PSMD14: variants seen among roughly 807,000 people sequenced by gnomAD.
PSMD14 encodes the protein proteasome 26S subunit, non-ATPase 14, also known as ubiquitin C-terminal hydrolase PSMD14.
A neutral mutation model predicts 41.2 loss-of-function variants in PSMD14; 7 were observed. The ratio of observed to expected loss-of-function variants is 0.17; its 90% CI spans 0.10 to 0.32. The LOEUF is 0.32. Among genes scored for constraint, PSMD14 ranks in the 10% least tolerant of loss-of-function variants. The pLI, the probability that PSMD14 is intolerant of heterozygous loss-of-function variation, is 1.00. For missense variants in PSMD14, 139 were observed against 375.6 expected, an observed-to-expected ratio of 0.37 and a Z score of 5.21; for synonymous variants, 114 against 122.3, an observed-to-expected ratio of 0.93 and a Z score of 0.45.
intron 1 of PSMD14, among the ~76,000 whole-genome samples, chr2:161,315,600 T>C (rs1689138210): frequency 6.6e-6 from 1 of 152,160 alleles, no homozygotes. Flanking sequence ...TTTTTTTCAC[T>C]ATTGCATTAT....
chr2:161,365,707 G>C (rs1229754285), intron 3 of PSMD14, among the ~76,000 whole-genome samples: 1 of 151,308 alleles, frequency 6.6e-6, no homozygotes, highest in Non-Finnish European at 1.5e-5. Context: ...TATATTGGTG[G>C]GGGGTGATGT....
chr2:161,320,765 G>A lies in PSMD14; in HGVS notation c.48+1892G>A, dbSNP rs140767697. Reference sequence around the variant, plus strand: ...TTTTGAGATGGAGTCTCACTCTGTCGCCCAGGCTGGAATGCAATGGCATGA... The same window carrying A: ...TTTTGAGATGGAGTCTCACTCTGTCACCCAGGCTGGAATGCAATGGCATGA... On this transcript the variant is annotated intron_variant, in intron 3 of 11. Coordinates refer to ENST00000409682, the MANE Select transcript of PSMD14 (RefSeq NM_005805.6). 1.8e-3 allele frequency among the ~76,000 whole-genome samples: 279 copies of A among 151,544 alleles called. 1 individual carries two copies. The highest frequency in any genetic ancestry group is 3.4e-3 in the Middle Eastern group (1 of 292).
At chr2:161,388,514 T>C (rs543007857) in intron 8 of PSMD14, among the ~76,000 whole-genome samples, 1 of 152,220 alleles carries the variant, frequency 6.6e-6, no homozygotes, top group South Asian at 2.1e-4. Context: ...TACAAAGTCA[T>C]TTAGCAAAAA....
At chr2:161,397,640 A>T (rs1559054786) in intron 10 of PSMD14, among the ~76,000 whole-genome samples, 1 of 152,338 alleles carries the variant, frequency 6.6e-6, no homozygotes, top group Non-Finnish European at 1.5e-5. Context: ...ATCTTAAAAA[A>T]TATTTTATCC....
chr2:161,395,016 C>G (rs1285822119), intron 9 of PSMD14, 62 bp from the exon 10 acceptor site: 1 of 1,273,416 alleles, frequency 7.9e-7, no homozygotes, highest in South Asian at 1.8e-5. Context: ...TTTTTTTTCT[C>G]TAGACAATGA....
At chr2:161,411,163 C>G in intron 11 of PSMD14, 139 bp from the exon 12 acceptor site, 1 of 509,034 alleles carries the variant, frequency 2.0e-6, no homozygotes. Context: ...TAACAATATA[C>G]TAGTAAAGTT....
intron 3 of PSMD14, among the ~76,000 whole-genome samples, chr2:161,349,961 T>C (rs1052150287): frequency 6.6e-6 from 1 of 152,238 alleles, no homozygotes; most frequent in African/African-American, 2.4e-5. Context: ...ATGTATAACA[T>C]TGAGATGTAG....
intron 3 of PSMD14, among the ~76,000 whole-genome samples, chr2:161,333,983 A>G (rs1014032073): frequency 4.6e-5 from 7 of 151,968 alleles, no homozygotes; most frequent in African/African-American, 1.7e-4. Flanking sequence ...GTGAGCTGAG[A>G]TGGCGCCACT....
intron 8 of PSMD14, among the ~76,000 whole-genome samples, chr2:161,385,883 C>G (rs1206927635): frequency 6.6e-6 from 1 of 151,604 alleles, no homozygotes; most frequent in Non-Finnish European, 1.5e-5. Flanking sequence ...ATAGGAGTTT[C>G]CGGTGAAGGA....
chr2:161,395,591 C>A (rs1396547028), intron 10 of PSMD14, among the ~76,000 whole-genome samples: 1 of 152,112 alleles, frequency 6.6e-6, no homozygotes, highest in Non-Finnish European at 1.5e-5. Flanking sequence ...GCACTTACTA[C>A]TTGCTGTGTC....
chr2:161,315,611 T>A (rs116123485), intron 1 of PSMD14, among the ~76,000 whole-genome samples: 3,866 of 152,212 alleles, frequency 0.025, 159 homozygotes, highest in African/African-American at 0.088. Context: ...ATTGCATTAT[T>A]TTCCATATTC....
chr2:161,394,266 C>T (rs1010249111), intron 9 of PSMD14, among the ~76,000 whole-genome samples: 6 of 152,016 alleles, frequency 3.9e-5, no homozygotes, highest in Admixed American at 6.6e-5. Flanking sequence ...GCCACTGTGC[C>T]CGGCCTAGAT....
intron 11 of PSMD14, chr2:161,409,794 A>G (rs1683999955): frequency 6.6e-6 from 1 of 152,130 alleles, no homozygotes; most frequent in Non-Finnish European, 1.5e-5. Context: ...AAATTTCACT[A>G]CCTTCTAAGT....
At chr2:161,388,577 C>A (rs1175937206) in intron 8 of PSMD14, among the ~76,000 whole-genome samples, 2 of 152,072 alleles carry the variant, frequency 1.3e-5, no homozygotes, top group Non-Finnish European at 2.9e-5. Context: ...CTAGAGGGAA[C>A]CACAAAACAC....
intron 3 of PSMD14, among the ~76,000 whole-genome samples, chr2:161,346,846 T>C (rs902777745): frequency 1.3e-5 from 2 of 152,080 alleles, no homozygotes; most frequent in African/African-American, 4.8e-5. Flanking sequence ...TACTCTTCCC[T>C]GTAATCCTTT....
intron 8 of PSMD14, among the ~76,000 whole-genome samples, chr2:161,389,248 G>T (rs1683674240): frequency 6.6e-6 from 1 of 152,136 alleles, no homozygotes; most frequent in Admixed American, 6.6e-5. Flanking sequence ...ACCATGTAGG[G>T]TTGTGCAAGT....
Position 161,372,927 on chromosome 2 carries a change from A to G in PSMD14, c.462+1605A>G, listed in dbSNP as rs546650107. On this transcript the variant is annotated intron_variant, in intron 7 of 11. Transcript: ENST00000409682. ...ATTAGTTCAACTTAGGTTTTATGAT[A>G]TCTTGACTCATGTGATGGTGGCTAC... is the stretch of plus-strand genomic sequence containing the variant. Among the ~76,000 whole-genome samples the G allele has an allele frequency of 5.9e-5, 9 of 152,050 alleles. No homozygotes were observed. The South Asian group carries it at 1.0e-3, about 17-fold the overall frequency.
At chr2:161,348,788 C>G (rs1044900066) in intron 3 of PSMD14, among the ~76,000 whole-genome samples, 1 of 152,136 alleles carries the variant, frequency 6.6e-6, no homozygotes, top group South Asian at 2.1e-4. Flanking sequence ...AGCTTCAACC[C>G]AGCTGCTTTA....
At chr2:161,336,516 G>T (rs1682872851) in intron 3 of PSMD14, among the ~76,000 whole-genome samples, 1 of 152,086 alleles carries the variant, frequency 6.6e-6, no homozygotes, top group Non-Finnish European at 1.5e-5. Context: ...GAATTACATT[G>T]AAGAAGTAAA....
Sources: allele counts gnomAD v4.1 joint callset (sites outside exome capture counted in the v4.1 genomes callset), GRCh38; gene constraint gnomAD v4.1.1; transcripts MANE v1.5; gene names NCBI Gene and HGNC (gene_info 2026-07-23, HGNC 2026-07-21).